Variants in MPI observed in about 807,000 individuals in gnomAD.
MPI encodes mannose-6-phosphate isomerase.
In MPI, 33 loss-of-function variants were observed where a neutral mutation model predicts 40.1. The observed-to-expected ratio is 0.82, with a 90% CI of 0.62 to 1.10. The LOEUF is 1.10. MPI is among the 50% of genes least tolerant of loss of function. The pLI, the probability that MPI is intolerant of heterozygous loss-of-function variation, is 0.00. For missense variants in MPI, 514 were observed against 524.1 expected, an observed-to-expected ratio of 0.98 and a Z score of 0.19; for synonymous variants, 187 against 207.4, an observed-to-expected ratio of 0.90 and a Z score of 0.85.
At chr15:74,894,094 GTGTGTGTGTGTGT>G (rs2064775604) in intron 5 of MPI, among the ~76,000 whole-genome samples, 1 of 41,578 alleles carries the variant, frequency 2.4e-5, no homozygotes, top group Non-Finnish European at 4.3e-5. Context: ...GTGTGTGTGT[GTGTGTGTGTGTGT>G]GGTCTCTTTC....
At chr15:74,893,975 G>A (rs1488147359) in intron 5 of MPI, among the ~76,000 whole-genome samples, 1 of 149,418 alleles carries the variant, frequency 6.7e-6, no homozygotes, top group East Asian at 2.0e-4. Flanking sequence ...ACCTCTACAG[G>A]TTTCCCATTA....
Position 74,901,547 on chromosome 15 carries a change from A to G in MPI, c.*3817A>G, listed in dbSNP as rs1050366200. The G allele has an allele frequency of 4.6e-5, 7 of 152,258 alleles. No individual in the cohort carries two copies. Among genetic ancestry groups the G allele is most frequent in the African/African-American group, 1.4e-4 (6 of 41,440 alleles). 9.4% of individuals were successfully genotyped at this position (152,258 alleles called of 1,614,324 possible). A position where few individuals can be genotyped will look rare whatever the true frequency, so the allele number is the denominator to read the frequency against. On this transcript the variant is annotated 3_prime_UTR_variant, in exon 8 of 8. Coordinates refer to ENST00000352410, the MANE Select transcript of MPI (RefSeq NM_002435.3). Reference sequence around the variant, plus strand: ...GAAGAATCTGGCAATAGAATGGTCCATGCTGGAGTGAAGGGAGGCCCTCTA... The same window carrying G: ...GAAGAATCTGGCAATAGAATGGTCCGTGCTGGAGTGAAGGGAGGCCCTCTA...
chr15:74,896,854 G>C (rs901047667), intron 6 of MPI, 157 bp from the exon 7 acceptor site: 6 of 733,042 alleles, frequency 8.2e-6, no homozygotes, highest in Admixed American at 4.1e-5. Context: ...ACCTGTTTTT[G>C]GTATTTGATA....
At chr15:74,893,805 TGTCACCCTAAAG>T in intron 5 of MPI, 1 of 258,466 alleles carries the variant, frequency 3.9e-6, no homozygotes, top group South Asian at 6.7e-5. Context: ...GTGTGGTCAC[TGTCACCCTAAAG>T]GTGGGGAGTC....
rs2064817409 is a variant in MPI at position 74,896,292 on chromosome 15, G to A, written c.811G>A (p.Glu271Lys). The A allele has an allele frequency of 6.2e-7, 1 of 1,614,052 alleles. No individual in the cohort carries two copies. The highest frequency in any genetic ancestry group is 1.7e-5 in the Admixed American group (1 of 60,008). ...TLKPGEAMFL[E>K]ANVPHAYLKG... ...GAAGCCTGGGGAGGCCATGTTTCTG[G>A]AGGCCAACGTACCCCATGCCTACCT... The change falls in exon 6 of 8, where the codon GAG becomes AAG. Residue 271 changes from glutamate to lysine, a missense_variant. Glu to Lys is a moderately conservative substitution (Grantham distance 56). Coordinates refer to ENST00000352410, the MANE Select transcript of MPI (RefSeq NM_002435.3).
rs2064878682 is a variant in MPI at position 74,899,692 on chromosome 15, T to C, written c.*1962T>C. 1 of 152,228 alleles carries C rather than the reference T, an allele frequency of 6.6e-6. No individual in the cohort carries two copies. The highest frequency in any genetic ancestry group is 2.4e-5 in the African/African-American group (1 of 41,470). 9.4% of individuals were successfully genotyped at this position (152,228 alleles called of 1,614,324 possible). A position where few individuals can be genotyped will look rare whatever the true frequency, so the allele number is the denominator to read the frequency against. On this transcript the variant is annotated 3_prime_UTR_variant, in exon 8 of 8. Transcript: ENST00000352410. The stretch of plus-strand genomic sequence containing the variant: ...CCCGGGCTGGAGTGCAGTGGCGCGA[T>C]AGCTCACTGCAACCTCCGCCCACTG...
chr15:74,894,105 TGTGGTCTC>T, intron 5 of MPI, among the ~76,000 whole-genome samples: 1 of 56,436 alleles, frequency 1.8e-5, no homozygotes, highest in African/African-American at 4.5e-5. Flanking sequence ...TGTGTGTGTG[TGTGGTCTC>T]TTTCTGTTGC....
In MPI at chr15:74,899,934, G is replaced by C. The variant is rs1178473117; in HGVS notation, c.*2204G>C. ...CTGAAAGTGCTGGGATTACAAGCAT[G>C]AGCCATTGTGCCTGGCCAAGGCCTT... is the stretch of plus-strand genomic sequence containing the variant. On this transcript the variant is annotated 3_prime_UTR_variant, in exon 8 of 8. Transcript: ENST00000352410. 6.6e-6 allele frequency: 1 copy of C among 152,262 alleles called. No individual in the cohort carries two copies. Among genetic ancestry groups the C allele is most frequent in the Non-Finnish European group, 1.5e-5 (1 of 68,060 alleles). 9.4% of individuals were successfully genotyped at this position (152,262 alleles called of 1,614,324 possible).
chr15:74,894,089 TGTGTGTG>T (rs2064774361), intron 5 of MPI, among the ~76,000 whole-genome samples: 2 of 56,078 alleles, frequency 3.6e-5, no homozygotes, highest in South Asian at 9.8e-4. Context: ...TGTGTGTGTG[TGTGTGTG>T]TGTGTGTGTG....
At position 74,897,800 on chromosome 15, in the gene MPI, C is replaced by A; in HGVS notation, c.*70C>A. The A allele has an allele frequency of 6.9e-7, 1 of 1,448,202 alleles. No individual in the cohort carries two copies. The allele number at this position is 1,448,202 out of a possible 1,614,324, so 89.7% of individuals were successfully genotyped here. On this transcript the variant is annotated 3_prime_UTR_variant, in exon 8 of 8. Coordinates refer to ENST00000352410, the MANE Select transcript of MPI (RefSeq NM_002435.3). ...CCAGCCAACCTCACCTCCTCGGGCC[C>A]AGCTCAAGCCCCCTTCCTTGCTCTG... is the stretch of plus-strand genomic sequence containing the variant.
At chr15:74,891,733 C>A (rs141608662) in intron 3 of MPI, among the ~76,000 whole-genome samples, 154 bp downstream of exon 3, 158 of 152,354 alleles carry the variant, frequency 1.0e-3, no homozygotes, top group African/African-American at 3.7e-3. Flanking sequence ...TCTGCAAAGC[C>A]AGATGGTAGT....
Position 74,891,421 on chromosome 15 carries a change from GACAACCGCATCTC to G in MPI, c.191_203del (p.Asn64ArgfsTer4), listed in dbSNP as rs2064724888. ...CCCCCGAGGGGATGCCAAGATCCTT[GACAACCGCATCTC>G]ACAGAAGACCCTAAGCCAGTGGATT... On this transcript the variant is annotated frameshift_variant, in exon 3 of 8. Transcript: ENST00000352410. LOFTEE classifies it high-confidence loss of function. The G allele has an allele frequency of 6.2e-7, 1 of 1,614,060 alleles. No individual in the cohort carries two copies. The highest frequency in any genetic ancestry group is 8.5e-7 in the Non-Finnish European group (1 of 1,180,054).
rs540900155 is a variant in MPI, at chr15:74,897,812, C to A, written c.*82C>A. The stretch of plus-strand genomic sequence containing the variant: ...ACCTCCTCGGGCCCAGCTCAAGCCC[C>A]CTTCCTTGCTCTGGACCCCTTAGGT... On this transcript the variant is annotated 3_prime_UTR_variant, in exon 8 of 8. Transcript: ENST00000352410. The A allele has an allele frequency of 4.1e-4, 568 of 1,372,668 alleles. 4 individuals are homozygous for A. The African/African-American group carries it at 7.4e-3, about 18-fold the overall frequency. 85.0% of individuals were successfully genotyped at this position (1,372,668 alleles called of 1,614,324 possible).
chr15:74,894,038 CAGTGTGTGTGTG>C (rs1567267040), intron 5 of MPI, among the ~76,000 whole-genome samples: 5 of 66,762 alleles, frequency 7.5e-5, no homozygotes, highest in South Asian at 3.7e-4. Flanking sequence ...TTTTTCTGTT[CAGTGTGTGTGTG>C]TGTGTGTGTG....
At chr15:74,892,637 C>T (rs1240073115) in intron 3 of MPI, 24 bp from the exon 4 acceptor site, 4 of 1,613,666 alleles carry the variant, frequency 2.5e-6, no homozygotes, top group Non-Finnish European at 3.4e-6. Context: ...TCACCATCCT[C>T]CTCTTCCCCT....
chr15:74,897,960 C>T lies in MPI; in HGVS notation c.*230C>T. On this transcript the variant is annotated 3_prime_UTR_variant, in exon 8 of 8. Transcript: ENST00000352410. ...GTGAGGGGTCTGATACTCCCTTTGT[C>T]TTCCCTCTCTACTCCTCGCTACACC... 1.7e-6 allele frequency: 1 copy of T among 600,996 alleles called. No homozygotes were observed. The highest frequency in any genetic ancestry group is 3.0e-6 in the Non-Finnish European group (1 of 328,244). The allele number at this position is 600,996 out of a possible 1,614,324, so 37.2% of individuals were successfully genotyped here.
In MPI at chr15:74,892,770, G is replaced by C. The variant is rs766458792; in HGVS notation, c.455G>C (p.Arg152Pro). Residue 152 changes from arginine to proline, a missense_variant, in exon 4 of 8, where the codon CGG (arginine) becomes CCG (proline). Arg to Pro is a moderately radical substitution (Grantham distance 103, BLOSUM62 -2). Transcript: ENST00000352410. ...LTPFQGLCGF[R>P]PVEEIVTFLK... ...CCCTTCCAGGGCTTGTGTGGCTTCC[G>C]GCCAGTTGAGGAGATTGTAACCTTT... 1 of 1,614,262 alleles carries C rather than the reference G, an allele frequency of 6.2e-7. No homozygotes were observed. The highest frequency in any genetic ancestry group is 1.7e-5 in the Admixed American group (1 of 60,034).
Position 74,897,584 on chromosome 15 carries a change from A to T in MPI, c.1126A>T (p.Thr376Ser), listed in dbSNP as rs1324340168. ...CAGCATCCTCCTGATGGTACAGGGG[A>T]CAGTAATAGCCAGCACACCCACAAC... ...SASILLMVQG[T>S]VIASTPTTQT... is the part of the protein sequence containing the mutation. The change falls in exon 8 of 8, where the codon ACA becomes TCA. Residue 376 changes from threonine (T) to serine (S), a missense_variant. Transcript: ENST00000352410. 1.9e-6 allele frequency: 3 copies of T among 1,614,118 alleles called. No homozygotes were observed. Among genetic ancestry groups the T allele is most frequent in the Non-Finnish European group, 2.5e-6 (3 of 1,180,016 alleles).
chr15:74,896,404 G>A lies in MPI; in HGVS notation c.844+79G>A, dbSNP rs774915469. ...CCCTATCTGGACAAAGGAAGGAGAA[G>A]GGTGGTCAAGGAGACCCCCAAGGAC... On this transcript the variant is annotated intron_variant, in intron 6 of 7. Transcript: ENST00000352410. The A allele has an allele frequency of 1.9e-6, 3 of 1,554,300 alleles. No homozygotes were observed. The highest frequency in any genetic ancestry group is 2.6e-6 in the Non-Finnish European group (3 of 1,137,424).
Sources: allele counts gnomAD v4.1 joint callset (sites outside exome capture counted in the v4.1 genomes callset), GRCh38; gene constraint gnomAD v4.1.1; transcripts MANE v1.5; gene names NCBI Gene and HGNC (gene_info 2026-07-23, HGNC 2026-07-21).